PADI3: variants seen among roughly 807,000 people sequenced by gnomAD.
PADI3 encodes peptidyl arginine deiminase 3, also known as protein-arginine deiminase type-3.
Under a neutral mutation model 71.5 loss-of-function variants are expected in PADI3, and 53 were observed. The observed-to-expected ratio is 0.74, with a 90% CI of 0.59 to 0.93. The LOEUF is 0.93. Among genes scored for constraint, PADI3 ranks in the 40% least tolerant of loss-of-function variants. The pLI is 0.00. For synonymous variants in PADI3, 361 were observed against 347.5 expected, an observed-to-expected ratio of 1.04 and a Z score of -0.43; for missense variants, 821 against 868.0, an observed-to-expected ratio of 0.95 and a Z score of 0.68.
At chr1:17,279,788 A>T (rs1303914816) in intron 13 of PADI3, among the ~76,000 whole-genome samples, 1 of 152,176 alleles carries the variant, frequency 6.6e-6, no homozygotes, top group East Asian at 1.9e-4. Flanking sequence ...ATTGTGTGCC[A>T]TTGACTCTAG....
intron 7 of PADI3, 92 bp downstream of exon 7, chr1:17,270,503 C>A: frequency 9.3e-7 from 1 of 1,073,336 alleles, no homozygotes; most frequent in Non-Finnish European, 1.3e-6. Flanking sequence ...AAAAAAATAG[C>A]GAGGTATAGT....
Position 17,282,977 on chromosome 1 carries a change from T to G in PADI3, c.1893T>G (p.Ile631Met). ...CGCTGGGCCTCCACTGCACCTTCAT[T>G]GATGACTTCACTCCATACCACATGC... is the stretch of plus-strand genomic sequence containing the variant. ...LEPLGLHCTF[I>M]DDFTPYHMLH... The change falls in exon 16 of 16, where the codon ATT becomes ATG. Residue 631 changes from isoleucine (I) to methionine (M), a missense_variant. Coordinates refer to ENST00000375460, the MANE Select transcript of PADI3 (RefSeq NM_016233.2). 3 of 1,614,212 alleles carry G rather than the reference T, an allele frequency of 1.9e-6. No individual in the cohort carries two copies. The highest frequency in any genetic ancestry group is 2.5e-6 in the Non-Finnish European group (3 of 1,180,010).
chr1:17,272,313 G>A (rs920342064), intron 9 of PADI3, among the ~76,000 whole-genome samples: 2 of 152,072 alleles, frequency 1.3e-5, no homozygotes, highest in Non-Finnish European at 1.5e-5. Context: ...CAAGGGTTGA[G>A]GTCGGAGACC....
In PADI3 at chr1:17,259,137, T is replaced by C. The variant is rs765666382; in HGVS notation, c.93-441T>C. On this transcript the variant is annotated intron_variant, in intron 1 of 15. Coordinates refer to ENST00000375460, the MANE Select transcript of PADI3 (RefSeq NM_016233.2). ...CAGGCTGGAGTGCAGTGGTGCAATC[T>C]TGGCTCACTGCAACCTCTGCCTCCT... Among the ~76,000 whole-genome samples, 3 of 152,242 alleles carry C rather than the reference T, an allele frequency of 2.0e-5. No individual in the cohort carries two copies. In the South Asian group the frequency reaches 6.2e-4, roughly 31 times the overall value.
At chr1:17,270,819 T>TC (rs3215408) in intron 7 of PADI3, 60 bp from the exon 8 acceptor site, 299,672 of 1,162,596 alleles carry the variant, frequency 0.26, 40,641 homozygotes, top group African/African-American at 0.3. Flanking sequence ...GGAATCAGAG[T>TC]CCCCCCAGGC....
chr1:17,273,481 G>C (rs1351438856), intron 10 of PADI3, 34 bp downstream of exon 10: 2 of 1,459,568 alleles, frequency 1.4e-6, no homozygotes, highest in Non-Finnish European at 1.9e-6. Flanking sequence ...ACCCCTGAGA[G>C]CTGAGAGGCC....
chr1:17,273,473 C>A (rs1408164003), intron 10 of PADI3, 26 bp downstream of exon 10: 2 of 1,524,244 alleles, frequency 1.3e-6, no homozygotes, highest in Non-Finnish European at 9.1e-7. Flanking sequence ...CGCAGCCCAC[C>A]CCTGAGAGCT....
intron 1 of PADI3, among the ~76,000 whole-genome samples, chr1:17,256,021 C>T (rs367894005): frequency 1.3e-5 from 2 of 152,170 alleles, no homozygotes; most frequent in Admixed American, 6.5e-5. Flanking sequence ...TGAAAACAAG[C>T]TCATTATAGC....
chr1:17,274,050 T>G (rs1056755341), intron 10 of PADI3, among the ~76,000 whole-genome samples: 33 of 152,216 alleles, frequency 2.2e-4, no homozygotes, highest in African/African-American at 8.0e-4. Flanking sequence ...AACGAGGACC[T>G]CTTGAGAAAA....
intron 1 of PADI3, among the ~76,000 whole-genome samples, chr1:17,258,081 G>A (rs2073050326): frequency 6.6e-6 from 1 of 152,052 alleles, no homozygotes; most frequent in African/African-American, 2.4e-5. Context: ...TTTCTCATCT[G>A]TATAATGGGA....
intron 1 of PADI3, among the ~76,000 whole-genome samples, chr1:17,250,885 T>C (rs1158875790): frequency 6.6e-6 from 1 of 152,064 alleles, no homozygotes; most frequent in Admixed American, 6.5e-5. Context: ...GAGGATGGAT[T>C]GGGGCAATAA....
At position 17,267,381 on chromosome 1, in the gene PADI3, T is replaced by C. The variant is rs116479532; in HGVS notation, c.527-456T>C. On this transcript the variant is annotated intron_variant, in intron 5 of 15. Coordinates refer to ENST00000375460, the MANE Select transcript of PADI3 (RefSeq NM_016233.2). Reference sequence around the variant, plus strand: ...AATTCCAGCCCCATGGAGAATGAGCTGCAATATTCCAGGGTATGCTAGGTG... The same window carrying C: ...AATTCCAGCCCCATGGAGAATGAGCCGCAATATTCCAGGGTATGCTAGGTG... 4.3e-3 allele frequency among the ~76,000 whole-genome samples: 652 copies of C among 152,290 alleles called. 5 individuals carry two copies. Among genetic ancestry groups the C allele is most frequent in the African/African-American group, 0.015 (622 of 41,556 alleles).
intron 13 of PADI3, among the ~76,000 whole-genome samples, chr1:17,277,646 C>A (rs1285314006): frequency 6.6e-6 from 1 of 152,248 alleles, no homozygotes. Context: ...CTCCCTGGAG[C>A]CTCAGTGCAA....
At chr1:17,275,271 TAAA>T (rs35532821) in intron 11 of PADI3, among the ~76,000 whole-genome samples, 4 of 137,970 alleles carry the variant, frequency 2.9e-5, no homozygotes, top group Non-Finnish European at 1.6e-5. Context: ...CCGTCTCTAC[TAAA>T]AAAAAAAAAA....
Position 17,259,670 on chromosome 1 carries a change from G to T in PADI3, c.185G>T (p.Arg62Leu), listed in dbSNP as rs199540947. ...CCCAACATGGAGAGGGGCCGGGAGC[G>T]TGCAGACACCAGGCGGTGGCGCTTT... The part of the protein sequence containing the change: ...ISPNMERGRE[R>L]ADTRRWRFDA... Residue 62 changes from arginine (R) to leucine (L), a missense_variant, in exon 2 of 16, where the codon CGT (arginine) becomes CTT (leucine). Coordinates refer to ENST00000375460, the MANE Select transcript of PADI3 (RefSeq NM_016233.2). 5 of 1,613,830 alleles carry T rather than the reference G, an allele frequency of 3.1e-6. No individual in the cohort carries two copies. The highest frequency in any genetic ancestry group is 1.7e-6 in the Non-Finnish European group (2 of 1,179,774).
At chr1:17,263,733 C>T (rs775145529) in intron 3 of PADI3, among the ~76,000 whole-genome samples, 6 of 152,110 alleles carry the variant, frequency 3.9e-5, no homozygotes, top group African/African-American at 7.2e-5. Flanking sequence ...GCAATGCATA[C>T]GGCTGACTTG....
chr1:17,275,947 C>A (rs988191457), intron 11 of PADI3, among the ~76,000 whole-genome samples: 65 of 152,194 alleles, frequency 4.3e-4, no homozygotes, highest in Non-Finnish European at 3.1e-4. Flanking sequence ...TGAAGATTTT[C>A]CTGGATGGTG....
In PADI3 at chr1:17,270,354, T is replaced by C; in HGVS notation, c.774T>C (p.Asp258=). 1.9e-6 allele frequency: 3 copies of C among 1,614,020 alleles called. No individual in the cohort carries two copies. Among genetic ancestry groups the C allele is most frequent in the Non-Finnish European group, 2.5e-6 (3 of 1,180,000 alleles). ...RFFVEGLSFP[D]AGFTGLISFH... is the part of the protein sequence containing the mutation. ...TCGTGGAAGGCCTGTCCTTCCCTGA[T>C]GCCGGCTTCACAGGACTCATCTCCT... Residue 258 remains aspartate, a synonymous_variant, in exon 7 of 16, where the codon GAT becomes GAC. Transcript: ENST00000375460.
Position 17,262,083 on chromosome 1 carries a change from C to T in PADI3, c.274-50C>T, listed in dbSNP as rs186036984. The T allele has an allele frequency of 3.1e-4, 473 of 1,524,322 alleles. 8 individuals carry two copies. In the African/African-American group the frequency reaches 3.7e-3, roughly 12 times the overall value. The allele number at this position is 1,524,322 out of a possible 1,614,324, so 94.4% of individuals were successfully genotyped here. ...GATCCCCGAGAGCTATCTTTTGGGG[C>T]GGGAGCTCTTGGCTTCTGCTGGTAT... On this transcript the variant is annotated intron_variant, in intron 2 of 15. Transcript: ENST00000375460.
Sources: gnomAD v4.1 joint callset for allele counts (sites outside exome capture counted in the v4.1 genomes callset) on GRCh38, gnomAD v4.1.1 for gene constraint, MANE v1.5 for transcripts, NCBI Gene and HGNC (gene_info 2026-07-23, HGNC 2026-07-21) for gene names.